The following ZNF546 variants were observed in gnomAD, a reference collection of about 807,000 sequenced individuals.
ZNF546 encodes the protein CTC-471F3.6.
In ZNF546, 60 loss-of-function variants were observed where a neutral mutation model predicts 76.2. The observed-to-expected ratio is 0.79, with a 90% confidence interval of 0.64 to 0.98. The LOEUF is 0.98. Among genes scored for constraint, ZNF546 ranks in the 50% least tolerant of loss-of-function variants. The pLI is 0.00. For synonymous variants in ZNF546, 277 were observed against 328.1 expected (o/e 0.84, Z 1.68); for missense variants, 936 against 1,035.6 (o/e 0.90, Z 1.32).
chr19:40,016,071 G>T lies in ZNF546; in HGVS notation c.*290G>T. The T allele has an allele frequency of 2.5e-6, 1 of 394,182 alleles. No homozygotes were observed. Among genetic ancestry groups the T allele is most frequent in the Non-Finnish European group, 4.7e-6 (1 of 212,560 alleles). The allele number at this position is 394,182 out of a possible 1,614,324, so 24.4% of individuals were successfully genotyped here. ...ATGCAATAATAATGGGCCAGGTGAA[G>T]TGGCTCACACCTGTAATCCCAGCAC... is the stretch of plus-strand genomic sequence containing the variant. On this transcript the variant is annotated 3_prime_UTR_variant, in exon 7 of 7. Transcript: ENST00000347077.
At chr19:40,003,033 C>CTT (rs577843773) in intron 3 of ZNF546, among the ~76,000 whole-genome samples, 26 of 106,298 alleles carry the variant, frequency 2.4e-4, no homozygotes, top group Non-Finnish European at 3.6e-4. Context: ...TTTGATTTAA[C>CTT]TTTTTTTTTT....
rs1488923162 is a variant in ZNF546 at position 40,006,197 on chromosome 19, T to G, written c.171+15T>G. The G allele has an allele frequency of 6.2e-7, 1 of 1,606,378 alleles. No homozygotes were observed. Among genetic ancestry groups the G allele is most frequent in the African/African-American group, 1.3e-5 (1 of 74,736 alleles). Reference sequence around the variant, plus strand: ...CCATGGCCAATGTAAGTTTGTGTTTTTCTTCCTTGAAATACTGTGTTTTTA... The same window carrying G: ...CCATGGCCAATGTAAGTTTGTGTTTGTCTTCCTTGAAATACTGTGTTTTTA... On this transcript the variant is annotated intron_variant, in intron 4 of 6. Coordinates refer to ENST00000347077, the MANE Select transcript of ZNF546 (RefSeq NM_178544.5).
In ZNF546 at chr19:39,998,397, C is replaced by A; in HGVS notation, c.71C>A (p.Ser24Ter). 1 of 1,613,816 alleles carries A rather than the reference C, an allele frequency of 6.2e-7. No individual in the cohort carries two copies. The highest frequency in any genetic ancestry group is 1.7e-5 in the Admixed American group (1 of 60,026). The change falls in exon 3 of 7, where the codon TCA becomes TAA. Residue 24 changes from serine to a stop codon, truncating the protein, a stop_gained. Transcript: ENST00000347077. LOFTEE classifies it high-confidence loss of function. ...FLIFQIIPLH[S>*]LSIMPRFLWI... ...ATTTTTCAAATCATTCCTCTGCACT[C>A]ACTTTCTATAATGGTAGAGAAATGC...
chr19:40,010,895 C>G (rs966857157), intron 6 of ZNF546, among the ~76,000 whole-genome samples: 2 of 152,082 alleles, frequency 1.3e-5, no homozygotes, highest in African/African-American at 4.8e-5. Context: ...ATTGGCCAGG[C>G]TGGTCTCGAA....
In ZNF546 at chr19:40,015,430, A is replaced by G; in HGVS notation, c.2160A>G (p.Pro720=). 6.2e-7 allele frequency: 1 copy of G among 1,614,126 alleles called. No individual in the cohort carries two copies. Among genetic ancestry groups the G allele is most frequent in the Non-Finnish European group, 8.5e-7 (1 of 1,180,006 alleles). The change falls in exon 7 of 7, where the codon CCA becomes CCG. Residue 720 remains proline (P), a synonymous_variant. Transcript: ENST00000347077. ...LHQRIHTGEL[P]YECKECGKTF... Reference sequence around the variant, plus strand: ...AAAGAATTCACACTGGTGAGCTTCCATATGAATGTAAGGAATGTGGAAAGA... The same window carrying G: ...AAAGAATTCACACTGGTGAGCTTCCGTATGAATGTAAGGAATGTGGAAAGA...
At position 40,016,100 on chromosome 19, in the gene ZNF546, G is replaced by A. The variant is rs1599746935; in HGVS notation, c.*319G>A. The A allele has an allele frequency of 1.4e-5, 4 of 293,912 alleles. No individual in the cohort carries two copies. The East Asian group carries it at 2.5e-4, about 18-fold the overall frequency. The allele number at this position is 293,912 out of a possible 1,614,324, so 18.2% of individuals were successfully genotyped here. ...CTCACACCTGTAATCCCAGCACTGT[G>A]GAAAGACAGGAGTTCGAAACCAGCC... On this transcript the variant is annotated 3_prime_UTR_variant, in exon 7 of 7. Coordinates refer to ENST00000347077, the MANE Select transcript of ZNF546 (RefSeq NM_178544.5).
In ZNF546 at chr19:40,016,110, GA is replaced by G. The variant is rs1376222936; in HGVS notation, c.*330del. 6.1e-5 allele frequency: 17 copies of G among 280,398 alleles called. No individual in the cohort carries two copies. Among genetic ancestry groups the G allele is most frequent in the African/African-American group, 3.5e-4 (16 of 45,200 alleles). The allele number at this position is 280,398 out of a possible 1,614,324, so 17.4% of individuals were successfully genotyped here. ...TAATCCCAGCACTGTGGAAAGACAG[GA>G]GTTCGAAACCAGCCTGGGCAACATA... On this transcript the variant is annotated 3_prime_UTR_variant, in exon 7 of 7. Transcript: ENST00000347077.
In ZNF546 at chr19:40,017,194, AATGT is replaced by A. The variant is rs1489374351; in HGVS notation, c.*1414_*1417del. 6.6e-6 allele frequency: 1 copy of A among 152,212 alleles called. No homozygotes were observed. The highest frequency in any genetic ancestry group is 1.5e-5 in the Non-Finnish European group (1 of 68,046). 9.4% of individuals were successfully genotyped at this position (152,212 alleles called of 1,614,324 possible). ...AAGTCAGAACCTATCTCTGAAAATTAATGTGAGAAAGAAATCTCTAGATTTGATG... is the reference window on the plus strand; with the variant it reads ...AAGTCAGAACCTATCTCTGAAAATTAGAGAAAGAAATCTCTAGATTTGATG... On this transcript the variant is annotated 3_prime_UTR_variant, in exon 7 of 7. Transcript: ENST00000347077.
Position 40,016,324 on chromosome 19 carries a change from C to G in ZNF546, c.*543C>G, listed in dbSNP as rs1039772680. 3 of 154,234 alleles carry G rather than the reference C, an allele frequency of 1.9e-5. No individual in the cohort carries two copies. Among genetic ancestry groups the G allele is most frequent in the Admixed American group, 1.9e-4 (3 of 15,598 alleles). The allele number at this position is 154,234 out of a possible 1,614,324, so 9.6% of individuals were successfully genotyped here. ...TCACCTGAGGTCAGGAGTTCAAGAC[C>G]AGCCTGGCCAACATGGTGAAACCCC... On this transcript the variant is annotated 3_prime_UTR_variant, in exon 7 of 7. Transcript: ENST00000347077.
chr19:40,013,974 A>G lies in ZNF546; in HGVS notation c.704A>G (p.His235Arg), dbSNP rs1599744754. Residue 235 changes from histidine (H) to arginine (R), a missense_variant, in exon 7 of 7, where the codon CAT becomes CGT. Physicochemically the swap from His to Arg is conservative, Grantham distance 29 (BLOSUM62 0). Coordinates refer to ENST00000347077, the MANE Select transcript of ZNF546 (RefSeq NM_178544.5). The part of the protein sequence containing the change: ...AFRQQSYLIQ[H>R]LRIHTGERPY... Reference sequence around the variant, plus strand: ...AGACAACAGTCATACCTTATTCAACATCTGAGAATTCACACTGGTGAGAGA... The same window carrying G: ...AGACAACAGTCATACCTTATTCAACGTCTGAGAATTCACACTGGTGAGAGA... 2 of 1,612,912 alleles carry G rather than the reference A, an allele frequency of 1.2e-6. No homozygotes were observed. Among genetic ancestry groups the G allele is most frequent in the Non-Finnish European group, 1.7e-6 (2 of 1,179,328 alleles).
At chr19:39,998,974 C>T (rs968196053) in intron 3 of ZNF546, among the ~76,000 whole-genome samples, 2 of 152,074 alleles carry the variant, frequency 1.3e-5, no homozygotes, top group African/African-American at 4.8e-5. Flanking sequence ...GGTTTCACCA[C>T]GTTGGCCACG....
At position 39,998,048 on chromosome 19, in the gene ZNF546, G is replaced by T. The variant is rs1599736077; in HGVS notation, c.-80+133G>T. Reference sequence around the variant, plus strand: ...AAGCACAGCCACAATCTACCACAGAGCCTGTCACCTCATTGCTCACAGTCA... The same window carrying T: ...AAGCACAGCCACAATCTACCACAGATCCTGTCACCTCATTGCTCACAGTCA... On this transcript the variant is annotated intron_variant, in intron 2 of 6. Transcript: ENST00000347077. 1.1e-5 allele frequency: 5 copies of T among 451,864 alleles called. No homozygotes were observed. The East Asian group carries it at 2.1e-4, about 19-fold the overall frequency. 28.0% of individuals were successfully genotyped at this position (451,864 alleles called of 1,614,324 possible).
chr19:40,000,651 CAG>C (rs1414067005), intron 3 of ZNF546, among the ~76,000 whole-genome samples: 2 of 147,274 alleles, frequency 1.4e-5, no homozygotes, highest in African/African-American at 5.0e-5. Flanking sequence ...AAAAAGAAAA[CAG>C]AATAAGATAG....
Position 40,015,432 on chromosome 19 carries a change from A to G in ZNF546, c.2162A>G (p.Tyr721Cys), listed in dbSNP as rs1568389806. 12 of 1,614,096 alleles carry G rather than the reference A, an allele frequency of 7.4e-6. No homozygotes were observed. The highest frequency in any genetic ancestry group is 1.0e-5 in the Non-Finnish European group (12 of 1,180,048). The stretch of plus-strand genomic sequence containing the variant: ...AGAATTCACACTGGTGAGCTTCCAT[A>G]TGAATGTAAGGAATGTGGAAAGACC... ...HQRIHTGELP[Y>C]ECKECGKTFS... The change falls in exon 7 of 7, where the codon TAT becomes TGT. Residue 721 changes from tyrosine to cysteine, a missense_variant. Physicochemically the swap from Tyr to Cys is radical, Grantham distance 194 (BLOSUM62 -2). Transcript: ENST00000347077.
chr19:40,007,492 A>G, intron 5 of ZNF546, 92 bp downstream of exon 5: 1 of 1,275,106 alleles, frequency 7.8e-7, no homozygotes, highest in Non-Finnish European at 1.0e-6. Flanking sequence ...TAAGAGGCTG[A>G]CTGACACCCC....
chr19:40,019,621 C>A lies in ZNF546; in HGVS notation c.*3840C>A, dbSNP rs1470799359. 1.3e-5 allele frequency: 2 copies of A among 152,132 alleles called. No individual in the cohort carries two copies. The highest frequency in any genetic ancestry group is 4.8e-5 in the African/African-American group (2 of 41,426). 9.4% of individuals were successfully genotyped at this position (152,132 alleles called of 1,614,324 possible). A position where few individuals can be genotyped will look rare whatever the true frequency, so the allele number is the denominator to read the frequency against. On this transcript the variant is annotated 3_prime_UTR_variant, in exon 7 of 7. Coordinates refer to ENST00000347077, the MANE Select transcript of ZNF546 (RefSeq NM_178544.5). ...GGAAGTAATATCAAAATTTCACTAG[C>A]TCTTTCTACACTGATATTATAATCC... is the stretch of plus-strand genomic sequence containing the variant.
rs1971813905 is a variant in ZNF546 at position 40,018,759 on chromosome 19, A to G, written c.*2978A>G. On this transcript the variant is annotated 3_prime_UTR_variant, in exon 7 of 7. Transcript: ENST00000347077. ...AAAGCTAAGTAAAGCTGTCCTGATT[A>G]CAGCTGTAATTGAGGTAACAGCCGG... 1 of 152,280 alleles carries G rather than the reference A, an allele frequency of 6.6e-6. No individual in the cohort carries two copies. The highest frequency in any genetic ancestry group is 2.1e-4 in the South Asian group (1 of 4,834). The allele number at this position is 152,280 out of a possible 1,614,324, so 9.4% of individuals were successfully genotyped here.
At chr19:40,010,471 T>TC (rs1392364892) in intron 6 of ZNF546, among the ~76,000 whole-genome samples, 2 of 152,130 alleles carry the variant, frequency 1.3e-5, no homozygotes, top group African/African-American at 4.8e-5. Flanking sequence ...TTATGAAAAT[T>TC]CCAGTTCTTC....
chr19:40,001,764 T>C (rs1787448130), intron 3 of ZNF546, among the ~76,000 whole-genome samples: 1 of 152,170 alleles, frequency 6.6e-6, no homozygotes, highest in African/African-American at 2.4e-5. Flanking sequence ...ACTTAAAATA[T>C]CATTATTAAA....
Sources: allele counts gnomAD v4.1 joint callset (sites outside exome capture counted in the v4.1 genomes callset), GRCh38; gene constraint gnomAD v4.1.1; transcripts MANE v1.5; gene names NCBI Gene and HGNC (gene_info 2026-07-23, HGNC 2026-07-21).